RSU1: variants seen among roughly 807,000 people sequenced by gnomAD.
RSU1 encodes rsu-1.
Under a neutral mutation model 31.1 loss-of-function variants are expected in RSU1, and 26 were observed. That is an observed-to-expected ratio of 0.84 (90% CI 0.61 to 1.16). The LOEUF (loss-of-function observed/expected upper bound fraction) is 1.16, where lower values mean the gene tolerates loss of function less well. Among genes scored for constraint, RSU1 ranks in the 50% most tolerant of loss-of-function variants. RSU1 has a pLI of 0.00. For missense variants in RSU1, 320 were observed against 339.1 expected (o/e 0.94, Z 0.44); for synonymous variants, 164 against 136.3 (o/e 1.20, Z -1.41).
At chr10:16,642,525 T>C (rs1834463356) in intron 8 of RSU1, among the ~76,000 whole-genome samples, 1 of 152,194 alleles carries the variant, frequency 6.6e-6, no homozygotes, top group African/African-American at 2.4e-5. Context: ...TTAAGTTTTT[T>C]GGCCATTAAT....
intron 5 of RSU1, among the ~76,000 whole-genome samples, chr10:16,754,113 T>A (rs1029604671): frequency 6.6e-6 from 1 of 152,102 alleles, no homozygotes; most frequent in East Asian, 1.9e-4. Flanking sequence ...GAGAAAGTCA[T>A]AGAAAGGTAA....
At chr10:16,759,675 A>C (rs769104738) in intron 4 of RSU1, among the ~76,000 whole-genome samples, 1 of 152,220 alleles carries the variant, frequency 6.6e-6, no homozygotes, top group Non-Finnish European at 1.5e-5. Flanking sequence ...AATAATCATC[A>C]ACATGGATAA....
intron 8 of RSU1, among the ~76,000 whole-genome samples, chr10:16,606,162 G>A (rs926242787): frequency 2.6e-5 from 4 of 152,124 alleles, no homozygotes; most frequent in Admixed American, 1.3e-4. Context: ...CTTTTGTACA[G>A]TACCGTGACC....
rs145089687 is a variant in RSU1, at chr10:16,754,837, G to A, written c.400+34C>T. 3.3e-3 allele frequency: 4,483 copies of A among 1,359,936 alleles called. 81 individuals carry two copies. The highest frequency in any genetic ancestry group is 0.031 in the South Asian group (2,611 of 84,926). The allele number at this position is 1,359,936 out of a possible 1,614,324, so 84.2% of individuals were successfully genotyped here. On this transcript the variant is annotated intron_variant, in intron 5 of 8. Coordinates refer to ENST00000345264, the MANE Select transcript of RSU1 (RefSeq NM_012425.4). ...TCCCTCTCAGAACGCAAAGTACAAGGTTGAGGAGATTTATAGAATTGAAAG... is the reference window on the plus strand; with the variant it reads ...TCCCTCTCAGAACGCAAAGTACAAGATTGAGGAGATTTATAGAATTGAAAG...
rs564474070 is a variant in RSU1, at chr10:16,679,119, T to G, written c.731+15904A>C. Among the ~76,000 whole-genome samples the G allele has an allele frequency of 7.9e-5, 12 of 152,330 alleles. No individual in the cohort carries two copies. In the South Asian group the frequency reaches 1.7e-3, roughly 21 times the overall value. Reference sequence around the variant, plus strand: ...TGAGAACACATTTTAATGTTTCCAGTACTTTTTATTACCTACCACCAAAAA... The same window carrying G: ...TGAGAACACATTTTAATGTTTCCAGGACTTTTTATTACCTACCACCAAAAA... On this transcript the variant is annotated intron_variant, in intron 8 of 8. Transcript: ENST00000345264.
chr10:16,671,936 C>T (rs1480042115), intron 8 of RSU1, among the ~76,000 whole-genome samples: 1 of 151,170 alleles, frequency 6.6e-6, no homozygotes, highest in African/African-American at 2.4e-5. Flanking sequence ...GGCTCAAAGG[C>T]TTTTAAGTGA....
At chr10:16,686,567 G>A (rs186187991) in intron 8 of RSU1, among the ~76,000 whole-genome samples, 4 of 152,220 alleles carry the variant, frequency 2.6e-5, no homozygotes, top group Admixed American at 2.6e-4. Flanking sequence ...TTTTCCTTCT[G>A]TCAAGTGAGA....
chr10:16,617,079 G>A (rs981555565), intron 8 of RSU1, among the ~76,000 whole-genome samples: 1 of 152,168 alleles, frequency 6.6e-6, no homozygotes, highest in African/African-American at 2.4e-5. Context: ...TGCATATTTA[G>A]AAAACCTTAT....
At chr10:16,719,745 C>T (rs578189208) in intron 7 of RSU1, among the ~76,000 whole-genome samples, 114 of 152,364 alleles carry the variant, frequency 7.5e-4, no homozygotes, top group African/African-American at 2.5e-3. Flanking sequence ...GCTCTGTCTG[C>T]ATCAATGGCT....
intron 2 of RSU1, among the ~76,000 whole-genome samples, chr10:16,800,433 C>A (rs1043975111): frequency 5.9e-5 from 9 of 151,962 alleles, no homozygotes; most frequent in Non-Finnish European, 1.3e-4. Flanking sequence ...AACACTGTAA[C>A]AAAAATAAAG....
At chr10:16,692,803 T>C (rs993298718) in intron 8 of RSU1, among the ~76,000 whole-genome samples, 3 of 152,260 alleles carry the variant, frequency 2.0e-5, no homozygotes, top group African/African-American at 4.8e-5. Context: ...ATACACATCC[T>C]ATACCTATCT....
At chr10:16,748,867 T>G (rs1330101880) in intron 7 of RSU1, among the ~76,000 whole-genome samples, 2 of 142,564 alleles carry the variant, frequency 1.4e-5, no homozygotes, top group Non-Finnish European at 3.0e-5. Context: ...CCATGCTCCA[T>G]TTTTTTCCCA....
intron 8 of RSU1, among the ~76,000 whole-genome samples, chr10:16,657,097 C>A (rs1162352883): frequency 2.6e-5 from 4 of 152,198 alleles, no homozygotes; most frequent in Non-Finnish European, 4.4e-5. Context: ...ATGAATGACA[C>A]ATGCACATGC....
At chr10:16,799,453 G>A (rs941139602) in intron 2 of RSU1, among the ~76,000 whole-genome samples, 4 of 152,108 alleles carry the variant, frequency 2.6e-5, no homozygotes, top group Admixed American at 6.5e-5. Context: ...AATGCCTCAA[G>A]GGTAACTGCC....
chr10:16,716,242 T>G (rs975362184), intron 7 of RSU1, among the ~76,000 whole-genome samples: 1 of 152,168 alleles, frequency 6.6e-6, no homozygotes, highest in African/African-American at 2.4e-5. Flanking sequence ...GGGAGGTGGG[T>G]GCCAGGGCCA....
At chr10:16,809,575 A>G (rs181992055) in intron 2 of RSU1, among the ~76,000 whole-genome samples, 2 of 152,288 alleles carry the variant, frequency 1.3e-5, no homozygotes, top group South Asian at 2.1e-4. Flanking sequence ...ACATTTTTAC[A>G]TCATCCTTTG....
Position 16,695,067 on chromosome 10 carries a change from GC to G in RSU1, c.686del (p.Gly229AlafsTer94). Reference sequence around the variant, plus strand: ...GGATATACTCAAAAACATGGGACACGCCAAGCTGGAACTGGTCTGCAATGGG... The same window carrying G: ...GGATATACTCAAAAACATGGGACACGCAAGCTGGAACTGGTCTGCAATGGG... ...VTPIADQFQL[G>X]VSHVFEYIRS... is the part of the protein sequence containing the mutation. On this transcript the variant is annotated frameshift_variant, in exon 8 of 9. Transcript: ENST00000345264. LOFTEE classifies it high-confidence loss of function. The G allele has an allele frequency of 6.3e-7, 1 of 1,595,330 alleles. No homozygotes were observed. The highest frequency in any genetic ancestry group is 1.1e-5 in the South Asian group (1 of 90,648).
intron 7 of RSU1, among the ~76,000 whole-genome samples, chr10:16,750,857 ATC>A (rs888883118): frequency 1.4e-5 from 2 of 145,564 alleles, no homozygotes; most frequent in East Asian, 2.0e-4. Context: ...ACTGTACAAG[ATC>A]TCTCTTTTTT....
chr10:16,800,092 T>C (rs1838120460), intron 2 of RSU1, among the ~76,000 whole-genome samples: 1 of 152,022 alleles, frequency 6.6e-6, no homozygotes, highest in African/African-American at 2.4e-5. Flanking sequence ...AGAGAAAATT[T>C]TACCCTCTGA....
Sources: allele counts gnomAD v4.1 joint callset (sites outside exome capture counted in the v4.1 genomes callset), GRCh38; gene constraint gnomAD v4.1.1; transcripts MANE v1.5; gene names NCBI Gene and HGNC (gene_info 2026-07-23, HGNC 2026-07-21).